The following ST6GALNAC3 variants were observed in gnomAD, a reference collection of about 807,000 sequenced individuals.
ST6GALNAC3 encodes ST6 N-acetylgalactosaminide alpha-2,6-sialyltransferase 3.
A neutral mutation model predicts 32.7 loss-of-function variants in ST6GALNAC3; 25 were observed. The ratio of observed to expected loss-of-function variants is 0.76; its 90% CI spans 0.56 to 1.07. ST6GALNAC3 has a LOEUF of 1.07. ST6GALNAC3 is among the 50% of genes least tolerant of loss of function. The probability of loss-of-function intolerance (pLI) is 0.00; values close to 1 mark genes in which losing one functional copy is unlikely to be tolerated. For missense variants in ST6GALNAC3, 355 were observed against 382.4 expected (o/e 0.93, Z 0.60); for synonymous variants, 129 against 133.1 (o/e 0.97, Z 0.21).
At chr1:76,384,116 G>A (rs1460627015) in intron 2 of ST6GALNAC3, among the ~76,000 whole-genome samples, 1 of 151,976 alleles carries the variant, frequency 6.6e-6, no homozygotes, top group African/African-American at 2.4e-5. Flanking sequence ...GCTTAACTAT[G>A]TAAAAAATAA....
At chr1:76,544,013 T>A (rs762121093) in intron 3 of ST6GALNAC3, among the ~76,000 whole-genome samples, 1 of 151,762 alleles carries the variant, frequency 6.6e-6, no homozygotes, top group Non-Finnish European at 1.5e-5. Flanking sequence ...CAAAGCTAGA[T>A]ATAGCCCATG....
At position 76,091,354 on chromosome 1, in the gene ST6GALNAC3, T is replaced by C. The variant is rs199860347; in HGVS notation, c.18+16470T>C. On this transcript the variant is annotated intron_variant, in intron 1 of 4. Coordinates refer to ENST00000328299, the MANE Select transcript of ST6GALNAC3 (RefSeq NM_152996.4). ...AGCCCTTAGATCATTGAGTTAAGAC[T>C]CTTTCTCATGCGGATGAACAGTAAA... Among the ~76,000 whole-genome samples the C allele has an allele frequency of 2.6e-5, 4 of 152,220 alleles. No homozygotes were observed. In the East Asian group the frequency reaches 7.7e-4, roughly 29 times the overall value.
chr1:76,303,000 G>T (rs1660816460), intron 1 of ST6GALNAC3, among the ~76,000 whole-genome samples: 1 of 150,158 alleles, frequency 6.7e-6, no homozygotes. Flanking sequence ...TGATGTAAAT[G>T]AAGTGGTGTT....
chr1:76,614,130 G>T (rs1648120721), intron 3 of ST6GALNAC3, among the ~76,000 whole-genome samples: 1 of 152,182 alleles, frequency 6.6e-6, no homozygotes, highest in Non-Finnish European at 1.5e-5. Context: ...TCTACTATGT[G>T]CCAGACATAG....
chr1:76,133,838 C>A (rs1649767638), intron 1 of ST6GALNAC3, among the ~76,000 whole-genome samples: 1 of 152,162 alleles, frequency 6.6e-6, no homozygotes, highest in Non-Finnish European at 1.5e-5. Flanking sequence ...AAGAAGGACT[C>A]CATGCACAAG....
At position 76,248,185 on chromosome 1, in the gene ST6GALNAC3, G is replaced by A. The variant is rs187001672; in HGVS notation, c.19-65620G>A. ...TTGAGATGAACTGGGTACCTCAACT[G>A]GAAATGCAGGAATCACCCTCCTTCT... is the stretch of plus-strand genomic sequence containing the variant. On this transcript the variant is annotated intron_variant, in intron 1 of 4. Coordinates refer to ENST00000328299, the MANE Select transcript of ST6GALNAC3 (RefSeq NM_152996.4). 2.3e-3 allele frequency among the ~76,000 whole-genome samples: 346 copies of A among 152,246 alleles called. 2 individuals are homozygous for A. The highest frequency in any genetic ancestry group is 3.4e-3 in the Middle Eastern group (1 of 294).
rs1570318529 is a variant in ST6GALNAC3, at chr1:76,571,425, T to G, written c.624-56027T>G. Among the ~76,000 whole-genome samples the G allele has an allele frequency of 2.0e-5, 3 of 152,178 alleles. 1 individual carries two copies. In the East Asian group the frequency reaches 5.8e-4, roughly 30 times the overall value. On this transcript the variant is annotated intron_variant, in intron 3 of 4. Transcript: ENST00000328299. ...CGCACTTATAAGGGACAGTAATCCT[T>G]GTGCCAGTTGAAATATTTTCACAGC...
chr1:76,099,756 T>A (rs1436351127), intron 1 of ST6GALNAC3, among the ~76,000 whole-genome samples: 2 of 152,148 alleles, frequency 1.3e-5, no homozygotes, highest in African/African-American at 2.4e-5. Flanking sequence ...CTAAACCACA[T>A]CCTAAAAATG....
intron 3 of ST6GALNAC3, among the ~76,000 whole-genome samples, chr1:76,440,850 G>A (rs1656526694): frequency 6.6e-6 from 1 of 152,108 alleles, no homozygotes; most frequent in African/African-American, 2.4e-5. Flanking sequence ...CATTTTGGGA[G>A]GCCAAGGTGT....
At chr1:76,093,445 C>T (rs1236600663) in intron 1 of ST6GALNAC3, among the ~76,000 whole-genome samples, 1 of 152,166 alleles carries the variant, frequency 6.6e-6, no homozygotes, top group Non-Finnish European at 1.5e-5. Flanking sequence ...ATGGCTAGAG[C>T]CTGAAACTGC....
At chr1:76,347,349 A>G (rs1188014335) in intron 2 of ST6GALNAC3, among the ~76,000 whole-genome samples, 2 of 152,062 alleles carry the variant, frequency 1.3e-5, no homozygotes, top group Non-Finnish European at 2.9e-5. Context: ...CCATCCATCC[A>G]TTCATCCACC....
intron 1 of ST6GALNAC3, among the ~76,000 whole-genome samples, chr1:76,276,586 C>T (rs563690766): frequency 2.6e-5 from 4 of 152,214 alleles, no homozygotes; most frequent in South Asian, 4.1e-4. Flanking sequence ...ACTGTTAAGT[C>T]GGCTCTAGTT....
chr1:76,468,915 T>G (rs1383463406), intron 3 of ST6GALNAC3, among the ~76,000 whole-genome samples: 1 of 151,946 alleles, frequency 6.6e-6, no homozygotes, highest in Non-Finnish European at 1.5e-5. Flanking sequence ...AAAAATACTC[T>G]GAAGTCATGC....
At chr1:76,345,668 G>T (rs1225710200) in intron 2 of ST6GALNAC3, among the ~76,000 whole-genome samples, 1 of 152,014 alleles carries the variant, frequency 6.6e-6, no homozygotes, top group Non-Finnish European at 1.5e-5. Flanking sequence ...GGCAAATTTT[G>T]TCATCCTATG....
At chr1:76,613,580 T>C (rs537826882) in intron 3 of ST6GALNAC3, among the ~76,000 whole-genome samples, 8 of 152,334 alleles carry the variant, frequency 5.3e-5, no homozygotes, top group African/African-American at 1.9e-4. Flanking sequence ...TCCCCAGTGT[T>C]GGAGGAGGGG....
chr1:76,327,275 C>CGTGTGT lies in ST6GALNAC3; in HGVS notation c.213+13311_213+13316dup, dbSNP rs3079480. 7.4e-3 allele frequency among the ~76,000 whole-genome samples: 1,029 copies of CGTGTGT among 138,740 alleles called. 22 individuals are homozygous for CGTGTGT. The highest frequency in any genetic ancestry group is 0.058 in the Admixed American group (795 of 13,648). The allele number at this position is 138,740 out of a possible 152,430, so 91.0% of individuals were successfully genotyped here. On this transcript the variant is annotated intron_variant, in intron 2 of 4. Coordinates refer to ENST00000328299, the MANE Select transcript of ST6GALNAC3 (RefSeq NM_152996.4). ...CCAACAGGATGTGTATGTATATATG[C>CGTGTGT]GTGTGTGTGTGTGTGTGTGTGTGTG...
intron 1 of ST6GALNAC3, among the ~76,000 whole-genome samples, chr1:76,271,558 T>C (rs920473302): frequency 2.6e-5 from 4 of 152,124 alleles, no homozygotes; most frequent in African/African-American, 7.2e-5. Flanking sequence ...GAACATTACA[T>C]AGTATGTGAG....
At chr1:76,335,546 G>C (rs1009424997) in intron 2 of ST6GALNAC3, among the ~76,000 whole-genome samples, 13 of 152,244 alleles carry the variant, frequency 8.5e-5, no homozygotes, top group Admixed American at 1.3e-4. Flanking sequence ...TGGAGTTCCA[G>C]AGAAAACCCA....
At chr1:76,333,720 A>G (rs1269004976) in intron 2 of ST6GALNAC3, among the ~76,000 whole-genome samples, 1 of 152,178 alleles carries the variant, frequency 6.6e-6, no homozygotes, top group Non-Finnish European at 1.5e-5. Flanking sequence ...TGAGACTTTT[A>G]AAAATCTTTC....
Sources: gnomAD v4.1 joint callset for allele counts (sites outside exome capture counted in the v4.1 genomes callset) on GRCh38, gnomAD v4.1.1 for gene constraint, MANE v1.5 for transcripts, NCBI Gene and HGNC (gene_info 2026-07-23, HGNC 2026-07-21) for gene names.